CTNNA2: variants seen among roughly 807,000 people sequenced by gnomAD.
CTNNA2 encodes catenin alpha-2.
Under a neutral mutation model 101.0 loss-of-function variants are expected in CTNNA2, and 42 were observed. The observed-to-expected ratio is 0.42, with a 90% CI of 0.32 to 0.54. The LOEUF (loss-of-function observed/expected upper bound fraction) is 0.54. Ranked by LOEUF, CTNNA2 falls within the 20% of genes least tolerant of loss-of-function variation. CTNNA2 has a pLI of 0.14. For missense variants in CTNNA2, 871 were observed against 1,223.1 expected, an observed-to-expected ratio of 0.71 and a Z score of 4.29; for synonymous variants, 450 against 456.4, an observed-to-expected ratio of 0.99 and a Z score of 0.18.
chr2:80,181,453 A>G (rs1352335627), intron 7 of CTNNA2, among the ~76,000 whole-genome samples: 1 of 152,084 alleles, frequency 6.6e-6, no homozygotes, highest in African/African-American at 2.4e-5. Flanking sequence ...TTTCCAATCA[A>G]TGCCCTCACT....
intron 3 of CTNNA2, among the ~76,000 whole-genome samples, chr2:79,816,952 AT>A (rs1677555266): frequency 6.6e-6 from 1 of 151,756 alleles, no homozygotes; most frequent in Non-Finnish European, 1.5e-5. Flanking sequence ...ATGATTCCCC[AT>A]TTCAGTCATT....
At chr2:79,658,359 C>G (rs894277916) in intron 2 of CTNNA2, among the ~76,000 whole-genome samples, 2 of 151,888 alleles carry the variant, frequency 1.3e-5, no homozygotes, top group African/African-American at 4.8e-5. Flanking sequence ...TTTAAAGGGA[C>G]TAGAAATGCC....
intron 7 of CTNNA2, among the ~76,000 whole-genome samples, chr2:80,328,702 ATGTT>A (rs1323538692): frequency 6.6e-6 from 1 of 152,182 alleles, no homozygotes; most frequent in Non-Finnish European, 1.5e-5. Flanking sequence ...CATGTTGTGT[ATGTT>A]TGATGACAGT....
At chr2:80,000,663 G>A (rs933363986) in intron 7 of CTNNA2, among the ~76,000 whole-genome samples, 11 of 152,214 alleles carry the variant, frequency 7.2e-5, no homozygotes, top group Middle Eastern at 3.4e-3. Context: ...CCAAACCCCC[G>A]AGGTCACATG....
At position 80,273,750 on chromosome 2, in the gene CTNNA2, T is replaced by A. The variant is rs555409275; in HGVS notation, c.1057-119461T>A. On this transcript the variant is annotated intron_variant, in intron 7 of 18. Transcript: ENST00000402739. ...GCAATAGGTATCTGTTTGCTTTGCT[T>A]CTTTGGTTCCTTCAAAGTTCCGTTC... 2.0e-5 allele frequency among the ~76,000 whole-genome samples: 3 copies of A among 152,210 alleles called. No individual in the cohort carries two copies. The South Asian group carries it at 6.2e-4, about 32-fold the overall frequency.
intron 3 of CTNNA2, among the ~76,000 whole-genome samples, chr2:79,354,647 C>T (rs1157656264): frequency 6.6e-6 from 1 of 152,110 alleles, no homozygotes. Context: ...AGCTGTGTCT[C>T]TACCTACTCT....
intron 1 of CTNNA2, among the ~76,000 whole-genome samples, chr2:79,526,061 A>C (rs1386076626): frequency 6.6e-6 from 1 of 152,026 alleles, no homozygotes; most frequent in Non-Finnish European, 1.5e-5. Flanking sequence ...TGCTCATTTT[A>C]TCTTACAGTT....
intron 7 of CTNNA2, among the ~76,000 whole-genome samples, chr2:80,219,870 A>G (rs1385444113): frequency 1.3e-5 from 2 of 152,204 alleles, no homozygotes; most frequent in African/African-American, 2.4e-5. Flanking sequence ...AGGTTTCTCT[A>G]TGCAACTTTA....
At chr2:80,093,450 T>A (rs1160160609) in intron 7 of CTNNA2, among the ~76,000 whole-genome samples, 1 of 152,186 alleles carries the variant, frequency 6.6e-6, no homozygotes, top group Non-Finnish European at 1.5e-5. Flanking sequence ...TTGTGAATAG[T>A]GCCGCAATAA....
At chr2:80,625,581 G>T (rs1226041028) in intron 18 of CTNNA2, among the ~76,000 whole-genome samples, 1 of 151,992 alleles carries the variant, frequency 6.6e-6, no homozygotes, top group Non-Finnish European at 1.5e-5. Context: ...CTCTCAACTA[G>T]TCTGTAAGCT....
chr2:79,726,773 A>G (rs909429095), intron 2 of CTNNA2, among the ~76,000 whole-genome samples: 2 of 152,232 alleles, frequency 1.3e-5, no homozygotes, highest in African/African-American at 4.8e-5. Flanking sequence ...AATGGGGTAG[A>G]GAGATTCTAT....
chr2:80,460,544 C>T (rs1017955114), intron 9 of CTNNA2, among the ~76,000 whole-genome samples: 3 of 152,060 alleles, frequency 2.0e-5, no homozygotes, highest in African/African-American at 7.2e-5. Flanking sequence ...TTCCCTCTTT[C>T]TCCCGCTTCT....
At chr2:79,226,991 C>CA (rs5832369) in intron 2 of CTNNA2, among the ~76,000 whole-genome samples, 2 of 151,254 alleles carry the variant, frequency 1.3e-5, no homozygotes, top group Admixed American at 6.6e-5. Flanking sequence ...AAATTTCCTC[C>CA]AAAAAAAAAA....
At chr2:79,717,291 A>G (rs777573051) in intron 2 of CTNNA2, among the ~76,000 whole-genome samples, 5 of 152,232 alleles carry the variant, frequency 3.3e-5, no homozygotes, top group Non-Finnish European at 7.3e-5. Flanking sequence ...TTCCTGATTT[A>G]GAAAGATTCA....
chr2:80,303,578 C>T lies in CTNNA2; in HGVS notation c.1057-89633C>T, dbSNP rs1053781149. The stretch of plus-strand genomic sequence containing the variant: ...CATTAACCCCGTGAACTGGCCGGCG[C>T]GCAGCTCCGAGAGGCTGTTGTAGCG... On this transcript the variant is annotated intron_variant, in intron 7 of 18. Coordinates refer to ENST00000402739, the MANE Select transcript of CTNNA2 (RefSeq NM_001282597.3). The surrounding 1 kb of genome is among the most constrained non-coding windows in gnomAD (Gnocchi z 7.7). The T allele has an allele frequency of 1.2e-6, 2 of 1,614,088 alleles. No individual in the cohort carries two copies. Among genetic ancestry groups the T allele is most frequent in the African/African-American group, 2.7e-5 (2 of 74,942 alleles).
intron 4 of CTNNA2, among the ~76,000 whole-genome samples, chr2:79,860,365 C>T (rs373081646): frequency 7.9e-5 from 12 of 152,052 alleles, no homozygotes; most frequent in African/African-American, 2.9e-4. Flanking sequence ...TGCCTACACT[C>T]CACACTCGAG....
chr2:79,996,333 G>A lies in CTNNA2; in HGVS notation c.1056+86536G>A, dbSNP rs529624312. Among the ~76,000 whole-genome samples the A allele has an allele frequency of 3.3e-5, 5 of 152,286 alleles. No homozygotes were observed. The East Asian group carries it at 9.7e-4, about 29-fold the overall frequency. The stretch of plus-strand genomic sequence containing the variant: ...TTGTCCTCTATGCAAATTGCTGCTT[G>A]ATATTTGGCCTCCTCTCTATAAAGA... On this transcript the variant is annotated intron_variant, in intron 7 of 18. Coordinates refer to ENST00000402739, the MANE Select transcript of CTNNA2 (RefSeq NM_001282597.3).
At chr2:79,709,467 A>T (rs1015885052) in intron 2 of CTNNA2, among the ~76,000 whole-genome samples, 3 of 152,130 alleles carry the variant, frequency 2.0e-5, no homozygotes, top group African/African-American at 4.8e-5. Flanking sequence ...TAATATGGGG[A>T]TGAGAGGCAT....
chr2:79,559,253 G>GT (rs1351865305), intron 1 of CTNNA2, among the ~76,000 whole-genome samples: 1 of 151,858 alleles, frequency 6.6e-6, no homozygotes, highest in African/African-American at 2.4e-5. Flanking sequence ...TGCTTTCCTG[G>GT]TATGTGCCAT....
Sources: gnomAD v4.1 joint callset for allele counts (sites outside exome capture counted in the v4.1 genomes callset) on GRCh38, gnomAD v4.1.1 for gene constraint, Gnocchi (gnomAD v3.1) non-coding constraint, MANE v1.5 for transcripts, NCBI Gene and HGNC (gene_info 2026-07-23, HGNC 2026-07-21) for gene names.